ATP10A: variants seen among roughly 807,000 people sequenced by gnomAD.
ATP10A encodes ATPase phospholipid transporting 10A (putative), also known as phospholipid-transporting ATPase VA.
In ATP10A, 111 loss-of-function variants were observed where a neutral mutation model predicts 147.8. The ratio of observed to expected loss-of-function variants is 0.75; its 90% CI spans 0.64 to 0.88. The LOEUF is 0.88. ATP10A is among the 40% of genes least tolerant of loss of function. The probability of loss-of-function intolerance (pLI) is 0.00; values close to 1 mark genes in which losing one functional copy is unlikely to be tolerated. For synonymous variants in ATP10A, 875 were observed against 841.6 expected, an observed-to-expected ratio of 1.04 and a Z score of -0.69; for missense variants, 1,927 against 1,959.0, an observed-to-expected ratio of 0.98 and a Z score of 0.31.
At chr15:25,755,786 A>G (rs9972339) in intron 2 of ATP10A, among the ~76,000 whole-genome samples, 75,369 of 152,034 alleles carry the variant, frequency 0.5, 18,798 homozygotes, top group South Asian at 0.53. Context: ...ATGAAGAAAC[A>G]AAGCTGAAAA....
intron 1 of ATP10A, among the ~76,000 whole-genome samples, chr15:25,805,079 C>T (rs1323640686): frequency 1.3e-5 from 2 of 152,214 alleles, no homozygotes; most frequent in Non-Finnish European, 2.9e-5. Context: ...GGCCATCACA[C>T]GGGCATTCTT....
intron 1 of ATP10A, among the ~76,000 whole-genome samples, chr15:25,802,555 C>T (rs750095151): frequency 2.0e-5 from 3 of 152,208 alleles, no homozygotes; most frequent in Non-Finnish European, 4.4e-5. Flanking sequence ...ACAGGGCCCA[C>T]TCAGCTAAGG....
At chr15:25,795,867 G>A (rs1287340033) in intron 1 of ATP10A, among the ~76,000 whole-genome samples, 1 of 152,094 alleles carries the variant, frequency 6.6e-6, no homozygotes, top group Non-Finnish European at 1.5e-5. Flanking sequence ...GGGGGTGTAG[G>A]GGATGTGCGA....
At chr15:25,696,499 G>A (rs1478790228) in intron 13 of ATP10A, among the ~76,000 whole-genome samples, 2 of 152,218 alleles carry the variant, frequency 1.3e-5, no homozygotes, top group African/African-American at 4.8e-5. Context: ...CCTTCATCCC[G>A]TTGCTCCCAC....
chr15:25,862,385 T>C (rs1232796364), intron 1 of ATP10A: 8 of 647,268 alleles, frequency 1.2e-5, no homozygotes, highest in Non-Finnish European at 2.3e-5. Flanking sequence ...CTTGGGATCA[T>C]TCTGGCCCCG....
chr15:25,812,523 C>T (rs368059953), intron 1 of ATP10A, among the ~76,000 whole-genome samples: 192 of 152,294 alleles, frequency 1.3e-3, no homozygotes, highest in African/African-American at 4.2e-3. Flanking sequence ...GCATTTGTTC[C>T]TGAGCTGGTA....
chr15:25,783,476 G>GA (rs1890020420), intron 1 of ATP10A, among the ~76,000 whole-genome samples: 2 of 90,824 alleles, frequency 2.2e-5, no homozygotes, highest in Non-Finnish European at 5.0e-5. Context: ...GGATTTGAGG[G>GA]ACCCCCCCCT....
At chr15:25,834,264 A>G (rs139623658) in intron 1 of ATP10A, among the ~76,000 whole-genome samples, 15 of 152,336 alleles carry the variant, frequency 9.8e-5, no homozygotes, top group African/African-American at 2.4e-4. Context: ...TGCAAGTCCT[A>G]TTATCTGACT....
At chr15:25,741,232 A>T (rs1160503171) in intron 2 of ATP10A, among the ~76,000 whole-genome samples, 3 of 152,164 alleles carry the variant, frequency 2.0e-5, no homozygotes, top group Non-Finnish European at 4.4e-5. Context: ...CCTGGCACAC[A>T]CATGGTCAGA....
At chr15:25,769,081 C>A (rs1889190514) in intron 2 of ATP10A, among the ~76,000 whole-genome samples, 1 of 152,178 alleles carries the variant, frequency 6.6e-6, no homozygotes, top group Non-Finnish European at 1.5e-5. Context: ...CACACACATG[C>A]ATGCACACGC....
At chr15:25,742,189 G>T (rs1192394126) in intron 2 of ATP10A, among the ~76,000 whole-genome samples, 1 of 152,242 alleles carries the variant, frequency 6.6e-6, no homozygotes, top group African/African-American at 2.4e-5. Context: ...CGTGGTTCTC[G>T]TCTCCACGGT....
At chr15:25,784,170 C>G (rs1021238931) in intron 1 of ATP10A, among the ~76,000 whole-genome samples, 1 of 152,194 alleles carries the variant, frequency 6.6e-6, no homozygotes, top group Non-Finnish European at 1.5e-5. Flanking sequence ...TTTGAAAGGG[C>G]CTGTCCCTTT....
chr15:25,674,000 T>C (rs1899089925), downstream of ATP10A, among the ~76,000 whole-genome samples: 1 of 152,178 alleles, frequency 6.6e-6, no homozygotes, highest in Non-Finnish European at 1.5e-5. Flanking sequence ...CCACGGAGTG[T>C]GATGGGAGAC....
chr15:25,692,799 C>CTTTCTT (rs1014832652), intron 14 of ATP10A, among the ~76,000 whole-genome samples: 6 of 152,110 alleles, frequency 3.9e-5, no homozygotes, highest in Admixed American at 3.3e-4. Flanking sequence ...TTCTTTCTTT[C>CTTTCTT]TTTCTTTTTC....
intron 2 of ATP10A, among the ~76,000 whole-genome samples, chr15:25,754,563 G>T (rs1244648892): frequency 3.9e-5 from 6 of 152,258 alleles, no homozygotes; most frequent in Middle Eastern, 3.4e-3. Context: ...GAAGCCTTGG[G>T]TGCCTGGGTC....
At chr15:25,814,970 C>T (rs1368604131) in intron 1 of ATP10A, among the ~76,000 whole-genome samples, 1 of 152,074 alleles carries the variant, frequency 6.6e-6, no homozygotes, top group African/African-American at 2.4e-5. Flanking sequence ...GAAAAATCCA[C>T]CTGGCTTATG....
Position 25,701,951 on chromosome 15 carries a change from C to G in ATP10A, c.2725G>C (p.Asp909His), listed in dbSNP as rs202137938. 38 of 1,612,094 alleles carry G rather than the reference C, an allele frequency of 2.4e-5. No individual in the cohort carries two copies. Among genetic ancestry groups the G allele is most frequent in the Non-Finnish European group, 3.1e-5 (37 of 1,179,152 alleles). Residue 909 changes from aspartate (D) to histidine (H), a missense_variant, in exon 13 of 21, where the codon GAC becomes CAC. Coordinates refer to ENST00000555815, the MANE Select transcript of ATP10A (RefSeq NM_024490.4). ...GCATTCAGGGTGATGACCTCCTCGTCGTGGTCCAGCAGTTTGCAGGCATAT... is the reference window on the plus strand; with the variant it reads ...GCATTCAGGGTGATGACCTCCTCGTGGTGGTCCAGCAGTTTGCAGGCATAT... ...IAYACKLLDHDEEVITLNATS... is the reference protein window; with the variant it reads ...IAYACKLLDHHEEVITLNATS...
chr15:25,823,304 C>T (rs11161233), intron 1 of ATP10A, among the ~76,000 whole-genome samples: 48,898 of 152,076 alleles, frequency 0.32, 9,354 homozygotes, highest in African/African-American at 0.53. Flanking sequence ...AATTGTTCAA[C>T]TCTTATAGAT....
At position 25,740,877 on chromosome 15, in the gene ATP10A, G is replaced by A. The variant is rs369618906; in HGVS notation, c.655-4736C>T. 7.2e-5 allele frequency among the ~76,000 whole-genome samples: 11 copies of A among 152,298 alleles called. No homozygotes were observed. In the South Asian group the frequency reaches 2.1e-3, roughly 29 times the overall value. On this transcript the variant is annotated intron_variant, in intron 2 of 20. Transcript: ENST00000555815. ...GCAAAGCTCTGCTCAGGGTCACTGC[G>A]CTGACCTCCTCGGCTACCATCCCTC...
Sources: gnomAD v4.1 joint callset for allele counts (sites outside exome capture counted in the v4.1 genomes callset) on GRCh38, gnomAD v4.1.1 for gene constraint, MANE v1.5 for transcripts, NCBI Gene and HGNC (gene_info 2026-07-23, HGNC 2026-07-21) for gene names.